The following SPIN1 variants were observed in gnomAD, a reference collection of about 807,000 sequenced individuals.
The protein encoded by SPIN1 is spindlin 1, also known as spindlin-1.
SPIN1 carries 3 observed loss-of-function variants against 26.0 expected under a neutral mutation model. The ratio of observed to expected loss-of-function variants is 0.12; its 90% CI spans 0.05 to 0.30. The LOEUF is 0.30. Among genes scored for constraint, SPIN1 ranks in the 10% least tolerant of loss-of-function variants. The pLI is 1.00. For missense variants in SPIN1, 126 were observed against 333.4 expected (o/e 0.38, Z 4.84); for synonymous variants, 101 against 116.5 (o/e 0.87, Z 0.86).
intron 2 of SPIN1, among the ~76,000 whole-genome samples, chr9:88,442,096 C>T (rs1056021050): frequency 1.0e-4 from 15 of 150,322 alleles, no homozygotes; most frequent in Admixed American, 1.3e-4. Context: ...GGATTACAGG[C>T]GCTTGCCACC....
chr9:88,411,427 C>G (rs921411476), intron 1 of SPIN1: 2 of 1,569,694 alleles, frequency 1.3e-6, no homozygotes, highest in East Asian at 2.2e-5. Context: ...GCTTCCTCAG[C>G]TGTTCGGGCT....
At chr9:88,460,151 C>G (rs1340638473) in intron 3 of SPIN1, among the ~76,000 whole-genome samples, 2 of 152,178 alleles carry the variant, frequency 1.3e-5, no homozygotes, top group Non-Finnish European at 1.5e-5. Context: ...TTTTAGTACT[C>G]TCTTCTGTGA....
At chr9:88,422,691 A>G (rs1337053862) in intron 1 of SPIN1, among the ~76,000 whole-genome samples, 3 of 151,740 alleles carry the variant, frequency 2.0e-5, no homozygotes, top group African/African-American at 7.3e-5. Flanking sequence ...TTACATCTCA[A>G]CATGAGGGAA....
chr9:88,423,267 A>G (rs893792915), intron 1 of SPIN1, among the ~76,000 whole-genome samples: 3 of 152,180 alleles, frequency 2.0e-5, no homozygotes, highest in African/African-American at 7.2e-5. Context: ...GTTAGGATAA[A>G]TTGATTTTAT....
chr9:88,413,113 C>T (rs1328588794), intron 1 of SPIN1, among the ~76,000 whole-genome samples: 3 of 139,672 alleles, frequency 2.1e-5, no homozygotes, highest in African/African-American at 8.5e-5. Context: ...GTTGCTCAGG[C>T]TAGAGTGCAG....
At chr9:88,420,528 T>C (rs1313583615) in intron 1 of SPIN1, among the ~76,000 whole-genome samples, 1 of 152,210 alleles carries the variant, frequency 6.6e-6, no homozygotes, top group Non-Finnish European at 1.5e-5. Flanking sequence ...AGAAAACAAA[T>C]TTAACAGGAT....
chr9:88,470,889 C>T (rs1044956067), intron 5 of SPIN1, among the ~76,000 whole-genome samples: 4 of 152,178 alleles, frequency 2.6e-5, no homozygotes, highest in East Asian at 1.9e-4. Context: ...CCACCATGCC[C>T]GGCCTATTGG....
chr9:88,474,266 T>C (rs1215669855), intron 5 of SPIN1, among the ~76,000 whole-genome samples: 2 of 152,230 alleles, frequency 1.3e-5, no homozygotes, highest in African/African-American at 4.8e-5. Context: ...AGAATTATAA[T>C]TGCCTAGCAA....
At chr9:88,431,874 C>A (rs1827879834) in intron 2 of SPIN1, among the ~76,000 whole-genome samples, 1 of 151,894 alleles carries the variant, frequency 6.6e-6, no homozygotes, top group Non-Finnish European at 1.5e-5. Context: ...CATGGTGAGA[C>A]CCCTTCTCTA....
intron 3 of SPIN1, among the ~76,000 whole-genome samples, chr9:88,456,636 T>TA (rs1366558446): frequency 2.0e-5 from 3 of 152,204 alleles, no homozygotes; most frequent in Non-Finnish European, 2.9e-5. Context: ...AACCTGCACT[T>TA]ACTGCTCAGA....
intron 1 of SPIN1, among the ~76,000 whole-genome samples, chr9:88,411,757 C>A (rs143694269): frequency 1.3e-5 from 2 of 152,252 alleles, no homozygotes; most frequent in African/African-American, 4.8e-5. Flanking sequence ...TCAAGCAATC[C>A]TCCCTCCCTT....
chr9:88,399,983 T>G (rs1251794215), intron 1 of SPIN1, among the ~76,000 whole-genome samples: 2 of 152,168 alleles, frequency 1.3e-5, no homozygotes, highest in Non-Finnish European at 2.9e-5. Flanking sequence ...ATGGTCAGAT[T>G]CTGTTTAAGC....
At chr9:88,390,679 T>C (rs1216991548) in intron 1 of SPIN1, among the ~76,000 whole-genome samples, 3 of 152,246 alleles carry the variant, frequency 2.0e-5, no homozygotes, top group Non-Finnish European at 4.4e-5. Context: ...ATCAACTATT[T>C]CGTGCAAGTA....
intron 1 of SPIN1, among the ~76,000 whole-genome samples, chr9:88,402,373 T>C (rs1373381511): frequency 6.6e-6 from 1 of 152,180 alleles, no homozygotes; most frequent in Non-Finnish European, 1.5e-5. Flanking sequence ...ATATATTTGC[T>C]AACTATGGTG....
chr9:88,404,605 T>C (rs543697321), intron 1 of SPIN1, among the ~76,000 whole-genome samples: 77 of 152,290 alleles, frequency 5.1e-4, no homozygotes, highest in Non-Finnish European at 9.6e-4. Context: ...TTTTACTTTT[T>C]AAACTTTTTG....
intron 1 of SPIN1, among the ~76,000 whole-genome samples, chr9:88,420,051 A>G (rs1163821836): frequency 2.0e-5 from 3 of 152,230 alleles, no homozygotes; most frequent in African/African-American, 7.2e-5. Context: ...CCATCCTGAA[A>G]TAATCAAAAG....
In SPIN1 at chr9:88,408,980, T is replaced by TG. The variant is rs1491185178; in HGVS notation, c.-158-17402_-158-17401insG. Reference sequence around the variant, plus strand: ...CCCGGCCCTTTTGTGTTTGTGTGTGTTTGTGTGTGTGTGTGTGTGTGTGTG... The same window carrying TG: ...CCCGGCCCTTTTGTGTTTGTGTGTGTGTTGTGTGTGTGTGTGTGTGTGTGTG... On this transcript the variant is annotated intron_variant, in intron 1 of 5. Coordinates refer to ENST00000375859, the MANE Select transcript of SPIN1 (RefSeq NM_006717.3). Among the ~76,000 whole-genome samples, 836 of 129,268 alleles carry TG rather than the reference T, an allele frequency of 6.5e-3. 9 individuals are homozygous for TG. Among genetic ancestry groups the TG allele is most frequent in the African/African-American group, 0.028 (763 of 27,736 alleles). 84.8% of individuals were successfully genotyped at this position (129,268 alleles called of 152,430 possible). A position where few individuals can be genotyped will look rare whatever the true frequency, so the allele number is the denominator to read the frequency against.
chr9:88,451,440 C>CT (rs1002613098), intron 3 of SPIN1, among the ~76,000 whole-genome samples: 1 of 152,100 alleles, frequency 6.6e-6, no homozygotes, highest in Non-Finnish European at 1.5e-5. Flanking sequence ...TAGAAGCAAG[C>CT]TTTTTTTTCC....
At chr9:88,447,246 A>G (rs189632456) in intron 2 of SPIN1, among the ~76,000 whole-genome samples, 23 of 151,980 alleles carry the variant, frequency 1.5e-4, no homozygotes, top group Non-Finnish European at 3.1e-4. Flanking sequence ...TATATTTTCC[A>G]TTTTGTATTT....
Sources: gnomAD v4.1 joint callset for allele counts (sites outside exome capture counted in the v4.1 genomes callset) on GRCh38, gnomAD v4.1.1 for gene constraint, MANE v1.5 for transcripts, NCBI Gene and HGNC (gene_info 2026-07-23, HGNC 2026-07-21) for gene names.